SKI: variants seen among roughly 807,000 people sequenced by gnomAD.
The protein encoded by SKI is SKI proto-oncogene.
A neutral mutation model predicts 59.3 loss-of-function variants in SKI; 23 were observed. That is an observed-to-expected ratio of 0.39 (90% CI 0.28 to 0.55). The LOEUF is 0.55. SKI is among the 20% of genes least tolerant of loss of function. The probability of loss-of-function intolerance (pLI) is 0.67; values close to 1 mark genes in which losing one functional copy is unlikely to be tolerated. For missense variants in SKI, 1,017 were observed against 1,038.9 expected, an observed-to-expected ratio of 0.98 and a Z score of 0.29; for synonymous variants, 673 against 488.6, an observed-to-expected ratio of 1.38 and a Z score of -4.98.
At chr1:2,262,257 C>T (rs542134512) in intron 1 of SKI, among the ~76,000 whole-genome samples, 40 of 149,278 alleles carry the variant, frequency 2.7e-4, no homozygotes, top group Admixed American at 4.0e-4. Flanking sequence ...CGCTCCTGAT[C>T]TCCTGGTCTG....
chr1:2,302,375 C>T (rs929673266), intron 1 of SKI, among the ~76,000 whole-genome samples: 2 of 152,202 alleles, frequency 1.3e-5, no homozygotes, highest in African/African-American at 2.4e-5. Flanking sequence ...GAAAATGTTT[C>T]CTTCCCATGG....
chr1:2,233,778 C>T (rs1638695230), intron 1 of SKI, among the ~76,000 whole-genome samples: 1 of 152,106 alleles, frequency 6.6e-6, no homozygotes, highest in Non-Finnish European at 1.5e-5. Flanking sequence ...CTTGGAGAGC[C>T]TCTGGGGAGG....
chr1:2,250,653 G>T (rs976873227), intron 1 of SKI, among the ~76,000 whole-genome samples: 3 of 152,208 alleles, frequency 2.0e-5, no homozygotes, highest in Admixed American at 2.0e-4. Context: ...CCTTCATTCT[G>T]AATTTCTAAA....
At chr1:2,274,497 T>G (rs559379623) in intron 1 of SKI, among the ~76,000 whole-genome samples, 3 of 152,282 alleles carry the variant, frequency 2.0e-5, no homozygotes, top group African/African-American at 7.2e-5. Context: ...CGTGTCCTGG[T>G]CGTGGCCGCG....
Position 2,267,745 on chromosome 1 carries a change from A to G in SKI, c.970-35233A>G, listed in dbSNP as rs1374323707. On this transcript the variant is annotated intron_variant, in intron 1 of 6. Transcript: ENST00000378536. This position sits in a 1 kb window ranked among gnomAD's most constrained non-coding sequence, Gnocchi z 4.1. ...CAGCTGGGACATCCTGAGGTGTGTG[A>G]GGCTGATGCATGGGCCTTTCTACTT... Among the ~76,000 whole-genome samples, 3 of 152,302 alleles carry G rather than the reference A, an allele frequency of 2.0e-5. No individual in the cohort carries two copies. In the East Asian group the frequency reaches 5.8e-4, roughly 29 times the overall value.
intron 5 of SKI, among the ~76,000 whole-genome samples, chr1:2,305,134 G>C (rs1640535623): frequency 6.6e-6 from 1 of 152,266 alleles, no homozygotes; most frequent in Non-Finnish European, 1.5e-5. Flanking sequence ...GGCCCGCACA[G>C]ACACACACAC....
intron 1 of SKI, among the ~76,000 whole-genome samples, chr1:2,230,975 A>G (rs537470847): frequency 3.2e-4 from 48 of 152,072 alleles, no homozygotes; most frequent in Admixed American, 8.5e-4. Context: ...GTGTGTGTGC[A>G]TGTGTGTGTT....
intron 1 of SKI, among the ~76,000 whole-genome samples, chr1:2,235,345 C>T (rs1420871430): frequency 6.6e-6 from 1 of 152,142 alleles, no homozygotes; most frequent in Non-Finnish European, 1.5e-5. Flanking sequence ...TGCCTGGCCC[C>T]TGGAGTGGGT....
chr1:2,230,367 A>T (rs915629145), intron 1 of SKI, among the ~76,000 whole-genome samples: 1 of 152,058 alleles, frequency 6.6e-6, no homozygotes, highest in Non-Finnish European at 1.5e-5. Flanking sequence ...CGGCTCCAGC[A>T]CTGTGCTGGT....
Position 2,240,392 on chromosome 1 carries a change from C to T in SKI, c.969+10657C>T, listed in dbSNP as rs996163756. 3 of 741,128 alleles carry T rather than the reference C, an allele frequency of 4.0e-6. No homozygotes were observed. In the African/African-American group the frequency reaches 5.7e-5, roughly 14 times the overall value. The allele number at this position is 741,128 out of a possible 1,614,324, so 45.9% of individuals were successfully genotyped here. A position where few individuals can be genotyped will look rare whatever the true frequency, so the allele number is the denominator to read the frequency against. On this transcript the variant is annotated intron_variant, in intron 1 of 6. Transcript: ENST00000378536. The stretch of plus-strand genomic sequence containing the variant: ...AGAAATGTGGGCCAGGCAGGTCTGG[C>T]TACGGGCAGGAGTGTGTCTGGGACT...
chr1:2,253,807 C>T (rs1639217598), intron 1 of SKI, among the ~76,000 whole-genome samples: 1 of 152,186 alleles, frequency 6.6e-6, no homozygotes, highest in Admixed American at 6.5e-5. Flanking sequence ...GCCCCCCCTA[C>T]CAGGGCTGAG....
Position 2,254,300 on chromosome 1 carries a change from A to G in SKI, c.969+24565A>G, listed in dbSNP as rs117735697. Among the ~76,000 whole-genome samples the G allele has an allele frequency of 1.4e-3, 215 of 152,028 alleles. 3 individuals are homozygous for G. In the East Asian group the frequency reaches 0.027, roughly 19 times the overall value. On this transcript the variant is annotated intron_variant, in intron 1 of 6. Transcript: ENST00000378536. The stretch of plus-strand genomic sequence containing the variant: ...GGTCTCCATGCGTGGTGCCCGTTGG[A>G]GGGGGTGGGAGGGCTCGGCTCTGCT...
At chr1:2,251,369 C>T (rs1054432828) in intron 1 of SKI, among the ~76,000 whole-genome samples, 9 of 152,298 alleles carry the variant, frequency 5.9e-5, no homozygotes, top group East Asian at 3.9e-4. Context: ...GCCATCCTCC[C>T]GCCTGGTGTC....
At position 2,229,734 on chromosome 1, in the gene SKI, G is replaced by T. The variant is rs1638589251; in HGVS notation, c.968G>T (p.Arg323Leu). The T allele has an allele frequency of 6.4e-7, 1 of 1,557,552 alleles. No individual in the cohort carries two copies. Among genetic ancestry groups the T allele is most frequent in the Admixed American group, 1.9e-5 (1 of 51,684 alleles). ...YGNKYKRRVP[R>L]VSSEPPASIR... is the part of the protein sequence containing the mutation. ...AACAAGTACAAGCGGCGGGTGCCCC[G>T]GGTGAGTGGCCCCAGGCCTGGGAGC... The change falls in exon 1 of 7, where the codon CGG (arginine) becomes CTG (leucine). Residue 323 changes from arginine to leucine, a missense_variant and splice_region_variant. Arg to Leu is a moderately radical substitution (Grantham distance 102). Coordinates refer to ENST00000378536, the MANE Select transcript of SKI (RefSeq NM_003036.4). This position sits in a 1 kb window ranked among gnomAD's most constrained non-coding sequence, Gnocchi z 6.3.
chr1:2,261,736 C>T (rs1375902029), intron 1 of SKI, among the ~76,000 whole-genome samples: 2 of 152,248 alleles, frequency 1.3e-5, no homozygotes, highest in Non-Finnish European at 2.9e-5. Flanking sequence ...TTTTATTTGT[C>T]CTGCTTAATG....
chr1:2,271,718 T>TG (rs35691128), intron 1 of SKI, among the ~76,000 whole-genome samples: 49,726 of 149,166 alleles, frequency 0.33, 8,539 homozygotes, highest in Admixed American at 0.44. Context: ...CCTGGTCCCC[T>TG]GGGGGGGGGT....
intron 1 of SKI, among the ~76,000 whole-genome samples, chr1:2,288,145 C>T (rs189346426): frequency 8.9e-4 from 135 of 152,274 alleles, no homozygotes; most frequent in African/African-American, 2.0e-3. Context: ...TGTGCCACCA[C>T]GCCTGGCTAA....
At chr1:2,291,229 T>A (rs1333852868) in intron 1 of SKI, among the ~76,000 whole-genome samples, 2 of 152,270 alleles carry the variant, frequency 1.3e-5, no homozygotes. Flanking sequence ...AAAAGAACGA[T>A]ACATTCGCCC....
chr1:2,274,026 G>T (rs1282175807), intron 1 of SKI, among the ~76,000 whole-genome samples: 1 of 151,866 alleles, frequency 6.6e-6, no homozygotes, highest in African/African-American at 2.4e-5. Context: ...ATGCGTGTGC[G>T]CAGGTCCTAC....
Sources: gnomAD v4.1 joint callset for allele counts (sites outside exome capture counted in the v4.1 genomes callset) on GRCh38, gnomAD v4.1.1 for gene constraint, Gnocchi (gnomAD v3.1) non-coding constraint, MANE v1.5 for transcripts, NCBI Gene and HGNC (gene_info 2026-07-23, HGNC 2026-07-21) for gene names.